GABRA3: variants seen among roughly 807,000 people sequenced by gnomAD.
GABRA3 encodes gamma-aminobutyric acid receptor subunit alpha-3.
In GABRA3, 10 loss-of-function variants were observed where a neutral mutation model predicts 30.1. The observed-to-expected ratio is 0.33, with a 90% CI of 0.20 to 0.56. GABRA3 has a LOEUF of 0.56. GABRA3 is among the 20% of genes least tolerant of loss of function. GABRA3 has a pLI of 0.89. For synonymous variants in GABRA3, 151 were observed against 146.8 expected (o/e 1.03, Z -0.21); for missense variants, 233 against 392.0 (o/e 0.59, Z 3.42).
rs765058666 is a variant in GABRA3, at chrX:152,285,300, T to C, written c.263-565A>G. On this transcript the variant is annotated intron_variant, in intron 3 of 9. Transcript: ENST00000370314. ...AAGTCTGGAATGATGAGCTAATATA[T>C]GGAGGAGCACTGCCCTGGAGAGTTG... Among the ~76,000 whole-genome samples the C allele has an allele frequency of 3.6e-4, 40 of 112,316 alleles. No individual in the cohort carries two copies. The South Asian group carries it at 0.015, about 41-fold the overall frequency.
intron 1 of GABRA3, among the ~76,000 whole-genome samples, chrX:152,418,622 A>C (rs919576597): frequency 8.9e-6 from 1 of 111,762 alleles, no homozygotes; most frequent in African/African-American, 3.3e-5. Flanking sequence ...AGTAGAATAA[A>C]AGCAAGTTAA....
chrX:152,402,106 A>G (rs1764825594), intron 1 of GABRA3, among the ~76,000 whole-genome samples: 1 of 112,387 alleles, frequency 8.9e-6, no homozygotes, highest in Non-Finnish European at 1.9e-5. Context: ...AGGTAGAAGA[A>G]GCAAAGGCTA....
At chrX:152,263,735 A>T (rs1348182140) in intron 4 of GABRA3, among the ~76,000 whole-genome samples, 1 of 111,868 alleles carries the variant, frequency 8.9e-6, no homozygotes, top group Non-Finnish European at 1.9e-5. Context: ...AGAAGGTTAT[A>T]GAACATCAAC....
chrX:152,350,264 C>G (rs1940458374), intron 2 of GABRA3, among the ~76,000 whole-genome samples: 1 of 96,007 alleles, frequency 1.0e-5, no homozygotes, highest in Admixed American at 1.1e-4. Flanking sequence ...CCAACGAGAA[C>G]AAAGACACAA....
intron 4 of GABRA3, among the ~76,000 whole-genome samples, chrX:152,280,042 G>T (rs757518744): frequency 5.1e-4 from 57 of 111,417 alleles, no homozygotes; most frequent in Admixed American, 7.7e-4. Context: ...AGATATACAA[G>T]CATGTCATCT....
At chrX:152,436,951 A>C (rs1930791744) in intron 1 of GABRA3, among the ~76,000 whole-genome samples, 1 of 111,619 alleles carries the variant, frequency 9.0e-6, no homozygotes, top group African/African-American at 3.2e-5. Flanking sequence ...AATTTGTATT[A>C]TATTTAATAT....
chrX:152,284,832 C>G, intron 3 of GABRA3, 97 bp from the exon 4 acceptor site: 1 of 537,505 alleles, frequency 1.9e-6, no homozygotes, highest in Non-Finnish European at 3.0e-6. Flanking sequence ...AGCCAACTTA[C>G]TACTTCTGAG....
chrX:152,205,675 A>G (rs970159498), intron 7 of GABRA3, among the ~76,000 whole-genome samples: 19 of 111,882 alleles, frequency 1.7e-4, no homozygotes, highest in Admixed American at 9.5e-4. Context: ...TGGTGTGTTC[A>G]TTCTAATTGC....
At chrX:152,381,186 C>G (rs1929135700) in intron 1 of GABRA3, among the ~76,000 whole-genome samples, 1 of 112,098 alleles carries the variant, frequency 8.9e-6, no homozygotes, top group African/African-American at 3.2e-5. Context: ...GCCTACAGAA[C>G]TGTGAACTAA....
chrX:152,303,457 T>C (rs1939667157), intron 3 of GABRA3, among the ~76,000 whole-genome samples: 1 of 111,330 alleles, frequency 9.0e-6, no homozygotes, highest in Non-Finnish European at 1.9e-5. Context: ...GCAATCCCAT[T>C]ACTGGGTATA....
At chrX:152,277,074 T>C (rs1364455298) in intron 4 of GABRA3, among the ~76,000 whole-genome samples, 1 of 111,802 alleles carries the variant, frequency 8.9e-6, no homozygotes, top group Non-Finnish European at 1.9e-5. Flanking sequence ...ATTTTTTCTC[T>C]ACACAGAGAA....
At chrX:152,315,107 A>AT (rs1453038683) in intron 3 of GABRA3, among the ~76,000 whole-genome samples, 1 of 111,498 alleles carries the variant, frequency 9.0e-6, no homozygotes, top group Non-Finnish European at 1.9e-5. Context: ...GAAAGCTGAG[A>AT]GAACCCACAG....
At chrX:152,404,145 C>T (rs1280032681) in intron 1 of GABRA3, among the ~76,000 whole-genome samples, 1 of 111,441 alleles carries the variant, frequency 9.0e-6, no homozygotes, top group African/African-American at 3.3e-5. Flanking sequence ...ATATGATCCT[C>T]TCTTTAAAAA....
intron 3 of GABRA3, among the ~76,000 whole-genome samples, chrX:152,324,708 G>C (rs1940024937): frequency 9.0e-6 from 1 of 111,512 alleles, no homozygotes; most frequent in Non-Finnish European, 1.9e-5. Context: ...AAAAATTATA[G>C]TCAATACATT....
chrX:152,431,646 T>G (rs1338683616), intron 1 of GABRA3, among the ~76,000 whole-genome samples: 1 of 112,074 alleles, frequency 8.9e-6, no homozygotes, highest in East Asian at 2.8e-4. Context: ...AACCTTATAA[T>G]AGATTATTTG....
chrX:152,421,416 T>TA lies in GABRA3; in HGVS notation c.-27+29729dup, dbSNP rs771491841. On this transcript the variant is annotated intron_variant, in intron 1 of 9. Coordinates refer to ENST00000370314, the MANE Select transcript of GABRA3 (RefSeq NM_000808.4). Reference sequence around the variant, plus strand: ...TTAAATATATACGTGTGTGTTTGTATAATGTAAAACAATAAAGCTTCTAGA... The same window carrying TA: ...TTAAATATATACGTGTGTGTTTGTATAAATGTAAAACAATAAAGCTTCTAGA... Among the ~76,000 whole-genome samples the TA allele has an allele frequency of 3.9e-4, 44 of 111,421 alleles. 1 individual carries two copies. In the South Asian group the frequency reaches 0.016, roughly 40 times the overall value.
At chrX:152,218,771 C>T (rs1937775330) in intron 6 of GABRA3, among the ~76,000 whole-genome samples, 1 of 111,334 alleles carries the variant, frequency 9.0e-6, no homozygotes, top group Non-Finnish European at 1.9e-5. Context: ...CCTGGTTGTA[C>T]TGAGAACTAA....
intron 1 of GABRA3, among the ~76,000 whole-genome samples, chrX:152,430,054 T>C (rs1365682297): frequency 8.9e-6 from 1 of 112,247 alleles, no homozygotes; most frequent in Non-Finnish European, 1.9e-5. Flanking sequence ...ATTATCCATC[T>C]AAAAATCCTG....
intron 5 of GABRA3, among the ~76,000 whole-genome samples, chrX:152,247,515 C>A (rs1427372883): frequency 9.0e-6 from 1 of 111,671 alleles, no homozygotes; most frequent in Non-Finnish European, 1.9e-5. Flanking sequence ...CCAGCTCTGC[C>A]ACTTATTGGT....
Sources: gnomAD v4.1 joint callset for allele counts (sites outside exome capture counted in the v4.1 genomes callset) on GRCh38, gnomAD v4.1.1 for gene constraint, MANE v1.5 for transcripts, NCBI Gene and HGNC (gene_info 2026-07-23, HGNC 2026-07-21) for gene names.